NDC1: variants seen among roughly 807,000 people sequenced by gnomAD.
NDC1 encodes nucleoporin NDC1.
In NDC1, 24 loss-of-function variants were observed where a neutral mutation model predicts 89.8. The ratio of observed to expected loss-of-function variants is 0.27; its 90% CI spans 0.19 to 0.38. The LOEUF (loss-of-function observed/expected upper bound fraction) is 0.38. Among genes scored for constraint, NDC1 ranks in the 10% least tolerant of loss-of-function variants. The pLI, the probability that NDC1 is intolerant of heterozygous loss-of-function variation, is 1.00. For missense variants in NDC1, 728 were observed against 797.6 expected (o/e 0.91, Z 1.05); for synonymous variants, 296 against 284.8 (o/e 1.04, Z -0.39).
In NDC1 at chr1:53,788,654, T is replaced by C. The variant is rs533715446; in HGVS notation, c.1699+479A>G. ...GCTGGCCAGGCTGGTCTCGAACTCC[T>C]GACCTCAGGTGATCCACCTGCCTCT... is the stretch of plus-strand genomic sequence containing the variant. On this transcript the variant is annotated intron_variant, in intron 15 of 17. Coordinates refer to ENST00000371429, the MANE Select transcript of NDC1 (RefSeq NM_018087.5). Among the ~76,000 whole-genome samples the C allele has an allele frequency of 1.7e-3, 266 of 152,156 alleles. 1 individual carries two copies. The highest frequency in any genetic ancestry group is 6.2e-3 in the African/African-American group (258 of 41,546).
At chr1:53,793,188 C>T (rs1337374935) in intron 14 of NDC1, 41 bp downstream of exon 14, 1 of 1,459,364 alleles carries the variant, frequency 6.9e-7, no homozygotes, top group South Asian at 1.1e-5. Flanking sequence ...TATTTCATTT[C>T]CTCCCTCCCC....
At chr1:53,796,294 T>G (rs1470283002) in intron 13 of NDC1, among the ~76,000 whole-genome samples, 1 of 152,224 alleles carries the variant, frequency 6.6e-6, no homozygotes, top group Non-Finnish European at 1.5e-5. Flanking sequence ...TCTTTTTTCT[T>G]AATAGCACAT....
chr1:53,786,932 G>T (rs182907969), intron 16 of NDC1, among the ~76,000 whole-genome samples: 1 of 152,230 alleles, frequency 6.6e-6, no homozygotes, highest in African/African-American at 2.4e-5. Context: ...TCCACCTCAA[G>T]CGACCCTCCA....
chr1:53,788,758 G>A (rs1490814704), intron 15 of NDC1, among the ~76,000 whole-genome samples: 6 of 152,032 alleles, frequency 3.9e-5, no homozygotes, highest in African/African-American at 1.4e-4. Context: ...AAAATTAACA[G>A]GGCGTGGTGG....
rs1301717049 is a variant in NDC1, at chr1:53,765,978, A to G, written c.*1992T>C. 1 of 152,134 alleles carries G rather than the reference A, an allele frequency of 6.6e-6. No homozygotes were observed. The highest frequency in any genetic ancestry group is 2.4e-5 in the African/African-American group (1 of 41,418). 9.4% of individuals were successfully genotyped at this position (152,134 alleles called of 1,614,324 possible). ...TTATCAACACACAATGAGAAAAAGA[A>G]ACTGACCCCCTTACCTACCAAATAC... On this transcript the variant is annotated 3_prime_UTR_variant, in exon 18 of 18. Coordinates refer to ENST00000371429, the MANE Select transcript of NDC1 (RefSeq NM_018087.5).
At chr1:53,784,670 A>G (rs551913005) in intron 16 of NDC1, among the ~76,000 whole-genome samples, 96 of 152,322 alleles carry the variant, frequency 6.3e-4, no homozygotes, top group Non-Finnish European at 1.1e-3. Flanking sequence ...AGACACCTGT[A>G]GTCCCAGCTA....
chr1:53,791,912 T>TA (rs1384095061), intron 14 of NDC1, among the ~76,000 whole-genome samples: 2 of 151,750 alleles, frequency 1.3e-5, no homozygotes, highest in Non-Finnish European at 2.9e-5. Context: ...ATGGCACACA[T>TA]AAGACACTCA....
intron 5 of NDC1, among the ~76,000 whole-genome samples, chr1:53,824,269 T>G (rs533002014): frequency 1.3e-5 from 2 of 150,330 alleles, no homozygotes; most frequent in South Asian, 4.2e-4. Context: ...AAAAAGAAAT[T>G]TAAAAAGAGA....
chr1:53,804,233 T>C (rs984609465), intron 9 of NDC1, among the ~76,000 whole-genome samples: 3 of 152,214 alleles, frequency 2.0e-5, no homozygotes, highest in Non-Finnish European at 4.4e-5. Context: ...CAGAATTCTC[T>C]GTGCTCTTTC....
chr1:53,796,257 G>A (rs1412908842), intron 13 of NDC1, among the ~76,000 whole-genome samples: 1 of 152,178 alleles, frequency 6.6e-6, no homozygotes, highest in Non-Finnish European at 1.5e-5. Flanking sequence ...GCATCTTACA[G>A]TCAATAGCAC....
chr1:53,768,775 T>C (rs1647087811), intron 17 of NDC1, among the ~76,000 whole-genome samples: 1 of 152,234 alleles, frequency 6.6e-6, no homozygotes, highest in African/African-American at 2.4e-5. Context: ...AAATGTCTTA[T>C]AGACATCTTT....
chr1:53,772,227 A>C, intron 17 of NDC1, 102 bp downstream of exon 17: 1 of 1,033,576 alleles, frequency 9.7e-7, no homozygotes, highest in Non-Finnish European at 1.4e-6. Context: ...TCAAGGTCCC[A>C]AAAGAACACT....
At chr1:53,826,396 G>T (rs772484498) in intron 4 of NDC1, among the ~76,000 whole-genome samples, 1 of 152,208 alleles carries the variant, frequency 6.6e-6, no homozygotes, top group Non-Finnish European at 1.5e-5. Context: ...AGCAGATAGA[G>T]TCCCATACAT....
chr1:53,803,790 C>T (rs571540531), intron 10 of NDC1, 138 bp downstream of exon 10: 7 of 650,638 alleles, frequency 1.1e-5, no homozygotes, highest in Non-Finnish European at 2.0e-5. Flanking sequence ...CCAGGATGGT[C>T]TTGATCTCCT....
intron 6 of NDC1, among the ~76,000 whole-genome samples, chr1:53,811,315 C>T (rs1285022438): frequency 6.6e-6 from 1 of 152,124 alleles, no homozygotes; most frequent in Non-Finnish European, 1.5e-5. Flanking sequence ...GTGTAGACTC[C>T]ACAGGTGGGG....
intron 16 of NDC1, among the ~76,000 whole-genome samples, chr1:53,784,563 T>C (rs1408596706): frequency 6.6e-6 from 1 of 152,014 alleles, no homozygotes; most frequent in East Asian, 1.9e-4. Context: ...GAGGCCGAGG[T>C]AGGTGGATCA....
chr1:53,816,645 C>CAAAAAAAAAAAAAAAAAAAA (rs547632909), intron 6 of NDC1, among the ~76,000 whole-genome samples: 1 of 121,430 alleles, frequency 8.2e-6, no homozygotes. Flanking sequence ...AAACAAAAAA[C>CAAAAAAAAAAAAAAAAAAAA]AAAAAAAAAA....
At chr1:53,778,761 T>A (rs1647181624) in intron 16 of NDC1, among the ~76,000 whole-genome samples, 1 of 152,222 alleles carries the variant, frequency 6.6e-6, no homozygotes, top group Non-Finnish European at 1.5e-5. Flanking sequence ...TGACACTATG[T>A]CTGCTAGATT....
chr1:53,805,413 C>G (rs1451186169), intron 9 of NDC1, among the ~76,000 whole-genome samples: 1 of 152,176 alleles, frequency 6.6e-6, no homozygotes, highest in Non-Finnish European at 1.5e-5. Context: ...CCTATGTTTT[C>G]CAAGCTGGTC....
Sources: allele counts gnomAD v4.1 joint callset (sites outside exome capture counted in the v4.1 genomes callset), GRCh38; gene constraint gnomAD v4.1.1; transcripts MANE v1.5; gene names NCBI Gene and HGNC (gene_info 2026-07-23, HGNC 2026-07-21).